The following ANO2 variants were observed in gnomAD, a reference collection of about 807,000 sequenced individuals.
ANO2 encodes anoctamin-2.
In ANO2, 101 loss-of-function variants were observed where a neutral mutation model predicts 124.2. The observed-to-expected ratio is 0.81, with a 90% confidence interval of 0.69 to 0.96. The LOEUF (loss-of-function observed/expected upper bound fraction) is 0.96. Among genes scored for constraint, ANO2 ranks in the 40% least tolerant of loss-of-function variants. ANO2 has a pLI of 0.00. For synonymous variants in ANO2, 486 were observed against 482.5 expected, an observed-to-expected ratio of 1.01 and a Z score of -0.09; for missense variants, 1,293 against 1,274.5, an observed-to-expected ratio of 1.01 and a Z score of -0.22.
At chr12:5,752,531 C>CTA (rs1565641995) in intron 10 of ANO2, among the ~76,000 whole-genome samples, 1 of 152,068 alleles carries the variant, frequency 6.6e-6, no homozygotes, top group African/African-American at 2.4e-5. Context: ...TATTTAGGTC[C>CTA]TTTACTTAAT....
chr12:5,767,861 G>A (rs1337383837), intron 10 of ANO2, among the ~76,000 whole-genome samples: 4 of 152,150 alleles, frequency 2.6e-5, no homozygotes, highest in South Asian at 4.1e-4. Context: ...TCTAGACCCT[G>A]GAGGCTAAGC....
At chr12:5,827,660 G>T in intron 7 of ANO2, 109 bp downstream of exon 7, 2 of 1,274,830 alleles carry the variant, frequency 1.6e-6, no homozygotes, top group East Asian at 2.5e-5. Flanking sequence ...TCCGTGGGGG[G>T]CATTTGCTTG....
intron 14 of ANO2, among the ~76,000 whole-genome samples, chr12:5,693,719 C>T (rs895628395): frequency 2.0e-5 from 3 of 152,286 alleles, no homozygotes; most frequent in South Asian, 2.1e-4. Flanking sequence ...AAGGCTGGTC[C>T]GGCCACACTG....
chr12:5,716,663 C>T (rs763255763), intron 14 of ANO2, among the ~76,000 whole-genome samples: 14 of 152,190 alleles, frequency 9.2e-5, no homozygotes, highest in Non-Finnish European at 1.8e-4. Context: ...GTAAGCTGGC[C>T]GATAGACCAT....
At position 5,879,020 on chromosome 12, in the gene ANO2, C is replaced by T. The variant is rs186563387; in HGVS notation, c.535-24879G>A. Among the ~76,000 whole-genome samples, 85 of 152,278 alleles carry T rather than the reference C, an allele frequency of 5.6e-4. 1 individual carries two copies. Among genetic ancestry groups the T allele is most frequent in the African/African-American group, 1.2e-3 (49 of 41,560 alleles). On this transcript the variant is annotated intron_variant, in intron 3 of 24. Coordinates refer to ENST00000682330, the MANE Select transcript of ANO2 (RefSeq NM_001364791.2). ...AACACTAAAAGTGGGACAGTTGGTG[C>T]GTCTACAAGTGTGGAAGGCCTGCGA... is the stretch of plus-strand genomic sequence containing the variant.
chr12:5,581,477 C>T (rs901207752), intron 20 of ANO2, among the ~76,000 whole-genome samples: 6 of 152,198 alleles, frequency 3.9e-5, no homozygotes, highest in African/African-American at 1.2e-4. Flanking sequence ...GGACTCTCCA[C>T]TTCCTCTTCT....
intron 14 of ANO2, among the ~76,000 whole-genome samples, chr12:5,671,501 C>T (rs1370781048): frequency 4.5e-4 from 3 of 6,676 alleles, no homozygotes; most frequent in East Asian, 3.2e-3. Flanking sequence ...TGGGGGGTGG[C>T]GGGGGGGAGT....
intron 20 of ANO2, among the ~76,000 whole-genome samples, chr12:5,586,787 A>G (rs567055804): frequency 1.6e-4 from 24 of 152,276 alleles, no homozygotes; most frequent in South Asian, 1.0e-3. Flanking sequence ...GTTTTAAGTC[A>G]CCGGGACTCT....
chr12:5,901,740 GT>G (rs1940227061), intron 3 of ANO2, among the ~76,000 whole-genome samples: 1 of 152,210 alleles, frequency 6.6e-6, no homozygotes, highest in African/African-American at 2.4e-5. Context: ...CCTGTTCTGA[GT>G]TGGAGACAAA....
intron 3 of ANO2, among the ~76,000 whole-genome samples, chr12:5,882,970 G>A (rs1248370575): frequency 2.0e-5 from 3 of 152,226 alleles, no homozygotes; most frequent in East Asian, 1.9e-4. Flanking sequence ...GAGCAAAGAC[G>A]GCTGCTGCAT....
chr12:5,583,282 A>G (rs1173594653), intron 20 of ANO2, among the ~76,000 whole-genome samples: 1 of 152,230 alleles, frequency 6.6e-6, no homozygotes, highest in Admixed American at 6.5e-5. Flanking sequence ...ATCGGCACAG[A>G]AGACTTCGAA....
At chr12:5,564,251 A>T (rs10849294) in intron 24 of ANO2, among the ~76,000 whole-genome samples, 34,209 of 152,122 alleles carry the variant, frequency 0.22, 4,145 homozygotes, top group Admixed American at 0.3. Context: ...CTTGCAGTGG[A>T]CTTCCTCCTG....
rs116056414 is a variant in ANO2 at position 5,839,102 on chromosome 12, A to G, written c.634-6499T>C. ...AGGCAATGAAAGGCAGTGATCCCTGAGAGATGGGAGACAGACAAGGGGAGC... is the reference window on the plus strand; with the variant it reads ...AGGCAATGAAAGGCAGTGATCCCTGGGAGATGGGAGACAGACAAGGGGAGC... On this transcript the variant is annotated intron_variant, in intron 4 of 24. Coordinates refer to ENST00000682330, the MANE Select transcript of ANO2 (RefSeq NM_001364791.2). 7.0e-3 allele frequency among the ~76,000 whole-genome samples: 1,064 copies of G among 152,358 alleles called. 12 individuals carry two copies. Among genetic ancestry groups the G allele is most frequent in the African/African-American group, 0.024 (987 of 41,584 alleles).
chr12:5,922,522 A>G, intron 2 of ANO2, 98 bp downstream of exon 2: 1 of 1,327,786 alleles, frequency 7.5e-7, no homozygotes, highest in Non-Finnish European at 1.0e-6. Flanking sequence ...TCACGCACAC[A>G]TGTGCTCCCA....
At chr12:5,607,692 C>T (rs1001791755) in intron 19 of ANO2, among the ~76,000 whole-genome samples, 2 of 152,026 alleles carry the variant, frequency 1.3e-5, no homozygotes, top group Non-Finnish European at 2.9e-5. Context: ...CTTGTCAGGC[C>T]GGTGGCGGCA....
intron 14 of ANO2, among the ~76,000 whole-genome samples, chr12:5,709,065 T>A (rs1296032905): frequency 1.3e-5 from 2 of 152,218 alleles, no homozygotes; most frequent in Non-Finnish European, 2.9e-5. Flanking sequence ...AAGCACTTTT[T>A]AAATACATTA....
At chr12:5,922,859 G>A (rs1371059180) in intron 1 of ANO2, 55 bp from the exon 2 acceptor site, 1 of 1,430,456 alleles carries the variant, frequency 7.0e-7, no homozygotes, top group African/African-American at 1.5e-5. Flanking sequence ...GGAAATCCAA[G>A]ACACTGAGGT....
intron 14 of ANO2, among the ~76,000 whole-genome samples, chr12:5,671,672 G>GT (rs1948013047): frequency 6.6e-6 from 1 of 152,166 alleles, no homozygotes. Flanking sequence ...GTTCAATCCT[G>GT]GGATGTATAC....
chr12:5,916,989 TG>T (rs985106078), intron 3 of ANO2, among the ~76,000 whole-genome samples: 28 of 152,288 alleles, frequency 1.8e-4, no homozygotes, highest in Admixed American at 1.6e-3. Flanking sequence ...GGTGGAAGTC[TG>T]ATGACAGGGA....
Sources: gnomAD v4.1 joint callset for allele counts (sites outside exome capture counted in the v4.1 genomes callset) on GRCh38, gnomAD v4.1.1 for gene constraint, MANE v1.5 for transcripts, NCBI Gene and HGNC (gene_info 2026-07-23, HGNC 2026-07-21) for gene names.